The following DGKB variants were observed in gnomAD, a reference collection of about 807,000 sequenced individuals.
The protein encoded by DGKB is diacylglycerol kinase beta.
DGKB carries 67 observed loss-of-function variants against 114.3 expected under a neutral mutation model. The observed-to-expected ratio is 0.59, with a 90% CI of 0.48 to 0.72. The LOEUF (loss-of-function observed/expected upper bound fraction) is 0.72. DGKB is among the 30% of genes least tolerant of loss of function. DGKB has a pLI of 0.00. For missense variants in DGKB, 907 were observed against 975.2 expected, an observed-to-expected ratio of 0.93 and a Z score of 0.93; for synonymous variants, 398 against 323.1, an observed-to-expected ratio of 1.23 and a Z score of -2.49.
In DGKB at chr7:14,480,918, A is replaced by G. The variant is rs575001133; in HGVS notation, c.1771-2693T>C. On this transcript the variant is annotated intron_variant, in intron 20 of 25. Coordinates refer to ENST00000402815, the MANE Select transcript of DGKB (RefSeq NM_001350709.2). ...AGTATTTTCTTAAAGTTAAATGAGA[A>G]TGCTAAATATGGTTAAATGACATAT... Among the ~76,000 whole-genome samples, 3 of 152,226 alleles carry G rather than the reference A, an allele frequency of 2.0e-5. No individual in the cohort carries two copies. The East Asian group carries it at 5.8e-4, about 29-fold the overall frequency.
chr7:14,703,140 G>A (rs991433648), intron 6 of DGKB, among the ~76,000 whole-genome samples: 1 of 152,186 alleles, frequency 6.6e-6, no homozygotes, highest in South Asian at 2.1e-4. Context: ...GCAGCAAATA[G>A]TGAAAAATAT....
Position 14,597,533 on chromosome 7 carries a change from C to T in DGKB, c.1433+9901G>A, listed in dbSNP as rs115959844. ...TATTAGGCTAAACTTGTCTTGATTACGAAGAACACTGTTACCCAATAATAT... is the reference window on the plus strand; with the variant it reads ...TATTAGGCTAAACTTGTCTTGATTATGAAGAACACTGTTACCCAATAATAT... On this transcript the variant is annotated intron_variant, in intron 17 of 25. Transcript: ENST00000402815. Among the ~76,000 whole-genome samples the T allele has an allele frequency of 9.7e-3, 1,469 of 152,094 alleles. 16 individuals are homozygous for T. The highest frequency in any genetic ancestry group is 0.023 in the African/African-American group (959 of 41,490).
intron 4 of DGKB, among the ~76,000 whole-genome samples, chr7:14,746,169 T>C (rs1833258472): frequency 6.6e-6 from 1 of 152,052 alleles, no homozygotes; most frequent in Non-Finnish European, 1.5e-5. Flanking sequence ...CAAAACCCCG[T>C]CTCTACTAAA....
intron 21 of DGKB, among the ~76,000 whole-genome samples, chr7:14,476,013 TATA>T (rs1782111938): frequency 6.6e-6 from 1 of 152,048 alleles, no homozygotes; most frequent in South Asian, 2.1e-4. Flanking sequence ...TATATCTCTC[TATA>T]AAGCCTTTAA....
chr7:14,527,406 T>C (rs921055878), intron 20 of DGKB, among the ~76,000 whole-genome samples: 2 of 152,084 alleles, frequency 1.3e-5, no homozygotes, highest in African/African-American at 4.8e-5. Flanking sequence ...GGTAGCTCTA[T>C]CAAAAGCTGT....
At chr7:14,727,121 A>G (rs1045855405) in intron 5 of DGKB, among the ~76,000 whole-genome samples, 14 of 152,216 alleles carry the variant, frequency 9.2e-5, no homozygotes, top group South Asian at 2.1e-4. Context: ...TGTTAAGACA[A>G]CACTATTATT....
chr7:14,770,364 T>C (rs987547315), intron 2 of DGKB, among the ~76,000 whole-genome samples: 1 of 152,072 alleles, frequency 6.6e-6, no homozygotes, highest in African/African-American at 2.4e-5. Context: ...GAAGGAGTTC[T>C]CCAGCAACAT....
chr7:14,729,370 C>T (rs1478666727), intron 5 of DGKB, among the ~76,000 whole-genome samples: 1 of 152,192 alleles, frequency 6.6e-6, no homozygotes, highest in South Asian at 2.1e-4. Context: ...GATTCGCCCA[C>T]CTTGGCCTCC....
chr7:14,484,513 C>A (rs999855189), intron 20 of DGKB, among the ~76,000 whole-genome samples: 1 of 152,208 alleles, frequency 6.6e-6, no homozygotes, highest in African/African-American at 2.4e-5. Context: ...CCCCCCACCT[C>A]TTGCTCCTGC....
intron 1 of DGKB, among the ~76,000 whole-genome samples, chr7:14,921,071 A>T (rs992398369): frequency 7.9e-5 from 12 of 152,288 alleles, no homozygotes; most frequent in African/African-American, 2.6e-4. Flanking sequence ...CATAGTACCC[A>T]ATAAGTAGTT....
chr7:14,749,440 T>C (rs1030024430), intron 4 of DGKB, among the ~76,000 whole-genome samples: 4 of 152,154 alleles, frequency 2.6e-5, no homozygotes, highest in South Asian at 4.1e-4. Context: ...ACTAGAATTA[T>C]GAAGACTCAG....
chr7:14,512,814 T>C (rs952985536), intron 20 of DGKB, among the ~76,000 whole-genome samples: 25 of 152,106 alleles, frequency 1.6e-4, no homozygotes, highest in African/African-American at 6.0e-4. Context: ...AATTATAAAA[T>C]CTCCCTCAGA....
chr7:14,204,557 G>A lies in DGKB; in HGVS notation c.2123-26406C>T, dbSNP rs535952756. On this transcript the variant is annotated intron_variant, in intron 23 of 25. Coordinates refer to ENST00000402815, the MANE Select transcript of DGKB (RefSeq NM_001350709.2). The stretch of plus-strand genomic sequence containing the variant: ...AACATACAACGGCTGAGAAAACATA[G>A]GGCTTATGCTTTTTGATGAGCTAAT... Among the ~76,000 whole-genome samples the A allele has an allele frequency of 1.1e-4, 16 of 152,100 alleles. No individual in the cohort carries two copies. The South Asian group carries it at 3.1e-3, about 30-fold the overall frequency.
chr7:14,956,050 G>A (rs183305659), intron 1 of DGKB, among the ~76,000 whole-genome samples: 3 of 151,952 alleles, frequency 2.0e-5, no homozygotes, highest in East Asian at 1.9e-4. Flanking sequence ...GGCAAAACTC[G>A]TGATAACAAG....
At chr7:14,221,669 T>A (rs909581349) in intron 23 of DGKB, among the ~76,000 whole-genome samples, 1 of 151,482 alleles carries the variant, frequency 6.6e-6, no homozygotes. Context: ...AGTGTCATGA[T>A]AATACTGGCC....
chr7:14,283,396 C>T (rs183761480), intron 23 of DGKB, among the ~76,000 whole-genome samples: 2 of 151,550 alleles, frequency 1.3e-5, no homozygotes, highest in East Asian at 3.9e-4. Flanking sequence ...ATTCCATGCT[C>T]ATGGGTAGGA....
At chr7:14,723,822 T>C (rs1829625150) in intron 5 of DGKB, among the ~76,000 whole-genome samples, 1 of 152,194 alleles carries the variant, frequency 6.6e-6, no homozygotes, top group Non-Finnish European at 1.5e-5. Flanking sequence ...TCATATCGAA[T>C]GTTGCCTATG....
At chr7:14,682,991 T>A (rs1331868366) in intron 10 of DGKB, 150 bp from the exon 11 acceptor site, 4 of 629,892 alleles carry the variant, frequency 6.4e-6, no homozygotes, top group Non-Finnish European at 1.1e-5. Flanking sequence ...CCAAGTCGAC[T>A]GTTTTTACCA....
At chr7:14,643,088 C>T (rs567677111) in intron 13 of DGKB, among the ~76,000 whole-genome samples, 1 of 152,194 alleles carries the variant, frequency 6.6e-6, no homozygotes, top group South Asian at 2.1e-4. Flanking sequence ...TAAGGGAGAA[C>T]ACAAATTCAG....
Sources: allele counts gnomAD v4.1 joint callset (sites outside exome capture counted in the v4.1 genomes callset), GRCh38; gene constraint gnomAD v4.1.1; transcripts MANE v1.5; gene names NCBI Gene and HGNC (gene_info 2026-07-23, HGNC 2026-07-21).